The following CHL1 variants were observed in gnomAD, a reference collection of about 807,000 sequenced individuals.
The protein encoded by CHL1 is neural cell adhesion molecule L1-like protein.
In CHL1, 96 loss-of-function variants were observed where a neutral mutation model predicts 141.9. That is an observed-to-expected ratio of 0.68 (90% CI 0.57 to 0.80). CHL1 has a LOEUF of 0.80. Ranked by LOEUF, CHL1 falls within the 30% of genes least tolerant of loss-of-function variation. The pLI, the probability that CHL1 is intolerant of heterozygous loss-of-function variation, is 0.00. For synonymous variants in CHL1, 613 were observed against 502.2 expected (o/e 1.22, Z -2.95); for missense variants, 1,820 against 1,457.2 (o/e 1.25, Z -4.05).
chr3:254,504 T>C (rs1310800427), intron 2 of CHL1, among the ~76,000 whole-genome samples: 1 of 152,180 alleles, frequency 6.6e-6, no homozygotes, highest in Non-Finnish European at 1.5e-5. Flanking sequence ...TTAGCTGGGA[T>C]ACAGGGAGCT....
At chr3:352,718 AG>A (rs1256299588) in intron 10 of CHL1, among the ~76,000 whole-genome samples, 24 of 152,182 alleles carry the variant, frequency 1.6e-4, no homozygotes, top group Non-Finnish European at 2.8e-4. Flanking sequence ...ATGGATGAAA[AG>A]CATTAAAGTA....
intron 2 of CHL1, chr3:247,581 G>C (rs1328779704): frequency 6.6e-6 from 1 of 152,064 alleles, no homozygotes; most frequent in Admixed American, 6.6e-5. Context: ...TCACTTTCTG[G>C]ACACTTTCTG....
At chr3:289,564 G>A (rs772556291) in intron 2 of CHL1, among the ~76,000 whole-genome samples, 2 of 151,978 alleles carry the variant, frequency 1.3e-5, no homozygotes, top group African/African-American at 4.8e-5. Context: ...ATTACTCCTG[G>A]TAGGTAAATA....
chr3:336,634 T>A lies in CHL1; in HGVS notation c.386-4160T>A, dbSNP rs373551135. On this transcript the variant is annotated intron_variant, in intron 5 of 27. Coordinates refer to ENST00000256509, the MANE Select transcript of CHL1 (RefSeq NM_006614.4). ...AAAGGTAAAGATATTGGTCTGAATC[T>A]TTGTAACCAGTTAGTTTTCTAGTGC... is the stretch of plus-strand genomic sequence containing the variant. Among the ~76,000 whole-genome samples the A allele has an allele frequency of 7.9e-5, 12 of 152,224 alleles. No homozygotes were observed. In the East Asian group the frequency reaches 2.1e-3, roughly 27 times the overall value.
Position 281,559 on chromosome 3 carries a change from C to CT in CHL1, c.-95+36885dup, listed in dbSNP as rs71619446. Among the ~76,000 whole-genome samples the CT allele has an allele frequency of 2.8e-3, 384 of 135,302 alleles. 9 individuals carry two copies. Among genetic ancestry groups the CT allele is most frequent in the East Asian group, 0.023 (110 of 4,734 alleles). 88.8% of individuals were successfully genotyped at this position (135,302 alleles called of 152,430 possible). On this transcript the variant is annotated intron_variant, in intron 2 of 27. Coordinates refer to ENST00000256509, the MANE Select transcript of CHL1 (RefSeq NM_006614.4). ...TTTGTTTTATTTTTCCAATTTGTAC[C>CT]TTTTTTTTTTTTTTTTTTGAGACAA... is the stretch of plus-strand genomic sequence containing the variant.
At chr3:284,769 C>CT (rs35084231) in intron 2 of CHL1, among the ~76,000 whole-genome samples, 82 of 148,750 alleles carry the variant, frequency 5.5e-4, no homozygotes, top group East Asian at 1.4e-3. Context: ...GCGTATTCAT[C>CT]TTTTTTTTTT....
In CHL1 at chr3:242,460, G is replaced by C. The variant is rs146749407; in HGVS notation, c.-174-2153G>C. On this transcript the variant is annotated intron_variant, in intron 1 of 27. Transcript: ENST00000256509. ...AAATACAAAAAATTATCCCGGCGTGGTGGTGGGCGCCTGTAGTCCCAGCTA... is the reference window on the plus strand; with the variant it reads ...AAATACAAAAAATTATCCCGGCGTGCTGGTGGGCGCCTGTAGTCCCAGCTA... 2.7e-5 allele frequency among the ~76,000 whole-genome samples: 4 copies of C among 147,302 alleles called. No homozygotes were observed. The Admixed American group carries it at 2.7e-4, about 10-fold the overall frequency.
At chr3:249,997 C>G (rs1693536934) in intron 2 of CHL1, among the ~76,000 whole-genome samples, 1 of 151,544 alleles carries the variant, frequency 6.6e-6, no homozygotes, top group African/African-American at 2.4e-5. Context: ...AGACATGTCT[C>G]ACTCTGTCAC....
At chr3:330,478 A>G (rs1382932741) in intron 5 of CHL1, among the ~76,000 whole-genome samples, 1 of 152,156 alleles carries the variant, frequency 6.6e-6, no homozygotes, top group African/African-American at 2.4e-5. Flanking sequence ...AACTGGAGTG[A>G]AGGGAGAAAA....
intron 1 of CHL1, among the ~76,000 whole-genome samples, chr3:231,555 T>C (rs2125042900): frequency 6.7e-6 from 1 of 150,160 alleles, no homozygotes; most frequent in African/African-American, 2.4e-5. Flanking sequence ...GGAGTACATG[T>C]TTTAAAACCT....
chr3:361,960 A>T (rs966835662), intron 13 of CHL1, 150 bp downstream of exon 13: 1 of 577,414 alleles, frequency 1.7e-6, no homozygotes, highest in East Asian at 2.8e-5. Context: ...TTACCGGTCC[A>T]GGAAATTAGC....
chr3:357,390 A>G (rs892700875), intron 11 of CHL1, among the ~76,000 whole-genome samples: 12 of 152,220 alleles, frequency 7.9e-5, no homozygotes, highest in African/African-American at 2.9e-4. Context: ...TTATCGGACT[A>G]ACCCTTTTCA....
chr3:313,036 T>A (rs1348880149), intron 2 of CHL1, among the ~76,000 whole-genome samples: 1 of 152,200 alleles, frequency 6.6e-6, no homozygotes, highest in Non-Finnish European at 1.5e-5. Flanking sequence ...TAATGCTGTT[T>A]CTTAGTGAAG....
chr3:322,212 T>C (rs1306842646), intron 3 of CHL1, among the ~76,000 whole-genome samples: 1 of 152,034 alleles, frequency 6.6e-6, no homozygotes, highest in Non-Finnish European at 1.5e-5. Flanking sequence ...TGTTGGTTTA[T>C]GAATATCCAG....
intron 19 of CHL1, among the ~76,000 whole-genome samples, chr3:387,943 A>G (rs1707892840): frequency 1.3e-5 from 2 of 152,188 alleles, no homozygotes; most frequent in African/African-American, 4.8e-5. Flanking sequence ...CTTAATTCCA[A>G]GCAATGCCTC....
chr3:401,656 C>A lies in CHL1; in HGVS notation c.3416C>A (p.Pro1139Gln). ...VKEKEDLHPD[P>Q]EIQSVKDETF... ...GAAAAGGAAGATTTGCATCCAGACC[C>A]AGAAATTCAGTCAGTAAAAGATGAA... The change falls in exon 27 of 28, where the codon CCA (proline) becomes CAA (glutamine). Residue 1139 changes from proline to glutamine, a missense_variant. Coordinates refer to ENST00000256509, the MANE Select transcript of CHL1 (RefSeq NM_006614.4). 1 of 1,597,092 alleles carries A rather than the reference C, an allele frequency of 6.3e-7. No homozygotes were observed. Among genetic ancestry groups the A allele is most frequent in the Middle Eastern group, 1.7e-4 (1 of 6,012 alleles).
At chr3:225,909 T>C (rs1486237808) in intron 1 of CHL1, among the ~76,000 whole-genome samples, 3 of 150,128 alleles carry the variant, frequency 2.0e-5, no homozygotes, top group Non-Finnish European at 4.4e-5. Flanking sequence ...CTCGGGGGGC[T>C]GAGGCAGGAG....
At chr3:282,968 A>G (rs1228568024) in intron 2 of CHL1, among the ~76,000 whole-genome samples, 1 of 152,226 alleles carries the variant, frequency 6.6e-6, no homozygotes, top group East Asian at 1.9e-4. Context: ...GGATCCAAGT[A>G]AAAGCCCTGC....
At chr3:197,178 G>A (rs1485460185) in intron 1 of CHL1, 115 bp downstream of exon 1, 1 of 152,370 alleles carries the variant, frequency 6.6e-6, no homozygotes, top group South Asian at 2.1e-4. Context: ...GAAAGGAAGC[G>A]GGGCGCGGTC....
Sources: allele counts gnomAD v4.1 joint callset (sites outside exome capture counted in the v4.1 genomes callset), GRCh38; gene constraint gnomAD v4.1.1; transcripts MANE v1.5; gene names NCBI Gene and HGNC (gene_info 2026-07-23, HGNC 2026-07-21).